Variants in CPED1 observed in about 807,000 individuals in gnomAD.
The protein encoded by CPED1 is cadherin-like and PC-esterase domain-containing protein 1.
A neutral mutation model predicts 128.2 loss-of-function variants in CPED1; 114 were observed. That is an observed-to-expected ratio of 0.89 (90% CI 0.76 to 1.04). CPED1 has a LOEUF of 1.04. Among genes scored for constraint, CPED1 ranks in the 50% least tolerant of loss-of-function variants. CPED1 has a pLI of 0.00. For missense variants in CPED1, 1,211 were observed against 1,207.1 expected, an observed-to-expected ratio of 1.00 and a Z score of -0.05; for synonymous variants, 462 against 426.7, an observed-to-expected ratio of 1.08 and a Z score of -1.02.
At chr7:121,070,918 C>T (rs180930087) in intron 5 of CPED1, among the ~76,000 whole-genome samples, 155 of 152,206 alleles carry the variant, frequency 1.0e-3, no homozygotes, top group East Asian at 7.3e-3. Context: ...TGAAACAGTA[C>T]AGCCTAGGTC....
chr7:121,007,906 C>T (rs1206431937), intron 2 of CPED1, among the ~76,000 whole-genome samples: 2 of 152,162 alleles, frequency 1.3e-5, no homozygotes, highest in African/African-American at 2.4e-5. Context: ...TGGTTTAATG[C>T]CTCCTTAGGG....
intron 7 of CPED1, among the ~76,000 whole-genome samples, chr7:121,113,386 G>A (rs572529881): frequency 4.6e-5 from 7 of 152,302 alleles, no homozygotes; most frequent in African/African-American, 1.4e-4. Flanking sequence ...GAGTTGCAGA[G>A]ACAGTGAAGA....
intron 22 of CPED1, among the ~76,000 whole-genome samples, chr7:121,288,120 G>A (rs1297613652): frequency 2.6e-5 from 4 of 152,100 alleles, no homozygotes; most frequent in African/African-American, 9.7e-5. Context: ...TAGTGAAACA[G>A]CATATAATAC....
intron 5 of CPED1, among the ~76,000 whole-genome samples, chr7:121,080,984 T>C (rs917817518): frequency 6.6e-6 from 1 of 152,170 alleles, no homozygotes; most frequent in Non-Finnish European, 1.5e-5. Flanking sequence ...TCATCAATAT[T>C]AGAAAATAAA....
At chr7:121,272,383 T>A (rs1370070758) in intron 22 of CPED1, among the ~76,000 whole-genome samples, 1 of 150,850 alleles carries the variant, frequency 6.6e-6, no homozygotes, top group Non-Finnish European at 1.5e-5. Flanking sequence ...GCATGCTACT[T>A]CTTTTTTTTT....
rs182789112 is a variant in CPED1, at chr7:121,050,591, G to A, written c.540+3598G>A. On this transcript the variant is annotated intron_variant, in intron 4 of 22. Coordinates refer to ENST00000310396, the MANE Select transcript of CPED1 (RefSeq NM_024913.5). Reference sequence around the variant, plus strand: ...CAATTCTTCTGCCTCAGCCTCTGGAGCAGCTGGGATTACAGGCGTCTGCCA... The same window carrying A: ...CAATTCTTCTGCCTCAGCCTCTGGAACAGCTGGGATTACAGGCGTCTGCCA... 1.8e-4 allele frequency: 50 copies of A among 281,246 alleles called. No individual in the cohort carries two copies. In the Middle Eastern group the frequency reaches 6.9e-3, roughly 39 times the overall value. The allele number at this position is 281,246 out of a possible 1,614,324, so 17.4% of individuals were successfully genotyped here. A position where few individuals can be genotyped will look rare whatever the true frequency, so the allele number is the denominator to read the frequency against.
At chr7:121,137,343 T>C (rs115503236) in intron 14 of CPED1, among the ~76,000 whole-genome samples, 62 of 152,108 alleles carry the variant, frequency 4.1e-4, no homozygotes, top group Middle Eastern at 3.4e-3. Context: ...GGACAATTTA[T>C]GCAATTTTGT....
chr7:121,290,528 G>A (rs1421397418), intron 22 of CPED1, among the ~76,000 whole-genome samples: 1 of 152,082 alleles, frequency 6.6e-6, no homozygotes, highest in Non-Finnish European at 1.5e-5. Context: ...ATCTCATTGT[G>A]GTTTTGATTT....
intron 4 of CPED1, among the ~76,000 whole-genome samples, chr7:121,055,191 T>C (rs1367493569): frequency 6.6e-6 from 1 of 152,204 alleles, no homozygotes; most frequent in African/African-American, 2.4e-5. Flanking sequence ...TGTATGAATA[T>C]AACTTTTTCT....
chr7:121,129,316 T>TATAC (rs1375932451), intron 11 of CPED1, among the ~76,000 whole-genome samples: 2 of 102,306 alleles, frequency 2.0e-5, no homozygotes, highest in African/African-American at 8.6e-5. Context: ...TATATACGTA[T>TATAC]ATATATATAT....
chr7:121,207,948 C>A (rs1797557276), intron 16 of CPED1, among the ~76,000 whole-genome samples: 1 of 151,998 alleles, frequency 6.6e-6, no homozygotes, highest in African/African-American at 2.4e-5. Context: ...GCTCTTGTAT[C>A]CTGGCTCCTT....
At chr7:121,087,010 C>A (rs1453970381) in intron 5 of CPED1, among the ~76,000 whole-genome samples, 1 of 152,144 alleles carries the variant, frequency 6.6e-6, no homozygotes, top group African/African-American at 2.4e-5. Context: ...TAGCAGGGGA[C>A]CTAGGTAGAA....
intron 12 of CPED1, among the ~76,000 whole-genome samples, chr7:121,132,308 G>A (rs1226586376): frequency 6.6e-6 from 1 of 152,012 alleles, no homozygotes; most frequent in Non-Finnish European, 1.5e-5. Context: ...CAGTGCTTTG[G>A]TCCAGGGCTC....
At chr7:120,999,920 A>G (rs961665104) in intron 2 of CPED1, among the ~76,000 whole-genome samples, 1 of 152,230 alleles carries the variant, frequency 6.6e-6, no homozygotes, top group South Asian at 2.1e-4. Flanking sequence ...TATGTATCAA[A>G]GAATTAATCA....
intron 2 of CPED1, among the ~76,000 whole-genome samples, chr7:121,005,415 T>C (rs146755416): frequency 0.017 from 2,525 of 152,142 alleles, 29 homozygotes; most frequent in Middle Eastern, 0.034. Flanking sequence ...TTTAGTAGAA[T>C]GATTTATAAT....
At chr7:121,198,950 G>C (rs1193712944) in intron 16 of CPED1, among the ~76,000 whole-genome samples, 1 of 152,092 alleles carries the variant, frequency 6.6e-6, no homozygotes, top group Non-Finnish European at 1.5e-5. Context: ...GCCCACCAAC[G>C]AGTGGTATTT....
intron 7 of CPED1, among the ~76,000 whole-genome samples, chr7:121,114,809 G>C (rs573005376): frequency 6.6e-6 from 1 of 152,328 alleles, no homozygotes; most frequent in South Asian, 2.1e-4. Context: ...AGAATTGGGT[G>C]TATCACTTTT....
intron 2 of CPED1, among the ~76,000 whole-genome samples, chr7:121,011,716 T>A (rs1792166565): frequency 3.3e-5 from 5 of 152,020 alleles, no homozygotes; most frequent in Admixed American, 3.3e-4. Flanking sequence ...AGGAAAAAAA[T>A]CAAATAAATT....
intron 16 of CPED1, among the ~76,000 whole-genome samples, chr7:121,152,925 C>T (rs1373402988): frequency 6.6e-6 from 1 of 152,032 alleles, no homozygotes; most frequent in Admixed American, 6.6e-5. Context: ...TTGCCTTAAA[C>T]ATGTATTTTA....
Sources: gnomAD v4.1 joint callset for allele counts (sites outside exome capture counted in the v4.1 genomes callset) on GRCh38, gnomAD v4.1.1 for gene constraint, MANE v1.5 for transcripts, NCBI Gene and HGNC (gene_info 2026-07-23, HGNC 2026-07-21) for gene names.